Variants in ALMS1 observed in about 807,000 individuals in gnomAD.
ALMS1 encodes ALMS1 centrosome and basal body associated protein.
ALMS1 carries 271 observed loss-of-function variants against 352.2 expected under a neutral mutation model. The observed-to-expected ratio is 0.77, with a 90% CI of 0.70 to 0.85. ALMS1 has a LOEUF of 0.85. Among genes scored for constraint, ALMS1 ranks in the 40% least tolerant of loss-of-function variants. ALMS1 has a pLI of 0.00. For synonymous variants in ALMS1, 1,865 were observed against 1,761.2 expected (o/e 1.06, Z -1.48); for missense variants, 5,445 against 4,870.7 (o/e 1.12, Z -3.51).
intron 12 of ALMS1, among the ~76,000 whole-genome samples, chr2:73,549,240 G>A (rs986433379): frequency 6.6e-6 from 1 of 152,150 alleles, no homozygotes; most frequent in African/African-American, 2.4e-5. Context: ...AGGAATGTGG[G>A]AATATTGAAA....
At chr2:73,401,088 C>T (rs1005532911) in intron 1 of ALMS1, among the ~76,000 whole-genome samples, 1 of 152,158 alleles carries the variant, frequency 6.6e-6, no homozygotes. Flanking sequence ...TACCTGGCCT[C>T]ATTTTTGATG....
chr2:73,559,011 T>C lies in ALMS1; in HGVS notation c.10253T>C (p.Val3418Ala). Residue 3418 changes from valine (V) to alanine (A), a missense_variant, in exon 15 of 23, where the codon GTA (valine) becomes GCA (alanine). Physicochemically the swap from Val to Ala is moderately conservative, Grantham distance 64 (BLOSUM62 0). Coordinates refer to ENST00000613296, the MANE Select transcript of ALMS1 (RefSeq NM_001378454.1). ...AAAAAEHSAQ[V>A]GDPEMKNLPD... ...GCTGCTGCAGAGCACTCAGCTCAAGTAGGAGACCCAGAAATGAAGAACTTG... is the reference window on the plus strand; with the variant it reads ...GCTGCTGCAGAGCACTCAGCTCAAGCAGGAGACCCAGAAATGAAGAACTTG... 6.2e-7 allele frequency: 1 copy of C among 1,614,006 alleles called. No homozygotes were observed. Among genetic ancestry groups the C allele is most frequent in the Non-Finnish European group, 8.5e-7 (1 of 1,179,936 alleles).
chr2:73,451,691 T>C lies in ALMS1; in HGVS notation c.5164T>C (p.Tyr1722His), dbSNP rs1283872152. The change falls in exon 8 of 23, where the codon TAC (tyrosine) becomes CAC (histidine). Residue 1722 changes from tyrosine (Y) to histidine (H), a missense_variant. By Grantham distance (83) the Tyr-to-His change is moderately conservative. Coordinates refer to ENST00000613296, the MANE Select transcript of ALMS1 (RefSeq NM_001378454.1). Reference sequence around the variant, plus strand: ...ATATAGAGAGAAGCCCATTGTCTTCTACCAACAGGCCCTGCCAGACAGTGA... The same window carrying C: ...ATATAGAGAGAAGCCCATTGTCTTCCACCAACAGGCCCTGCCAGACAGTGA... ...YSYREKPIVF[Y>H]QQALPDSELT... is the part of the protein sequence containing the mutation. 1.9e-6 allele frequency: 3 copies of C among 1,614,088 alleles called. No individual in the cohort carries two copies. The highest frequency in any genetic ancestry group is 1.1e-5 in the South Asian group (1 of 91,074).
rs763718623 is a variant in ALMS1 at position 73,601,229 on chromosome 2, G to T, written c.11907G>T (p.Glu3969Asp). The change falls in exon 19 of 23, where the codon GAG (glutamate) becomes GAT (aspartate). Residue 3969 changes from glutamate (E) to aspartate (D), a missense_variant. By Grantham distance (45) the Glu-to-Asp change is conservative. Transcript: ENST00000613296. ...GGTTTGTTCCTGTGGAAAATGTGGA[G>T]TCTAGATCAAAGAAGGAAAACGTGC... ...VSWFVPVENV[E>D]SRSKKENVPN... 2 of 1,614,228 alleles carry T rather than the reference G, an allele frequency of 1.2e-6. No homozygotes were observed.
chr2:73,529,415 T>C (rs1052311032), intron 11 of ALMS1, among the ~76,000 whole-genome samples: 1 of 152,202 alleles, frequency 6.6e-6, no homozygotes, highest in Non-Finnish European at 1.5e-5. Flanking sequence ...GTTTTTAGTG[T>C]CATATTTAGT....
intron 9 of ALMS1, chr2:73,469,533 TC>T (rs1260370655): frequency 6.6e-6 from 1 of 151,952 alleles, no homozygotes; most frequent in East Asian, 1.9e-4. Context: ...TGACTGATTT[TC>T]TTAGATAATA....
intron 16 of ALMS1, among the ~76,000 whole-genome samples, chr2:73,591,574 C>T (rs1573045847): frequency 6.6e-6 from 1 of 152,252 alleles, no homozygotes; most frequent in African/African-American, 2.4e-5. Context: ...TTAATTCTGA[C>T]TGAAACATGA....
At chr2:73,537,084 T>C (rs1009432367) in intron 12 of ALMS1, among the ~76,000 whole-genome samples, 1 of 152,208 alleles carries the variant, frequency 6.6e-6, no homozygotes, top group African/African-American at 2.4e-5. Context: ...AAAAGGCTTA[T>C]CTTTACTTGA....
chr2:73,558,711 T>C (rs1227815654), intron 14 of ALMS1, among the ~76,000 whole-genome samples: 1 of 152,088 alleles, frequency 6.6e-6, no homozygotes, highest in Non-Finnish European at 1.5e-5. Flanking sequence ...TTGTCTAGAG[T>C]TCTATGGTAC....
intron 7 of ALMS1, among the ~76,000 whole-genome samples, chr2:73,439,563 A>T (rs1671674855): frequency 1.3e-5 from 2 of 152,030 alleles, no homozygotes; most frequent in South Asian, 4.2e-4. Context: ...TTATTTTGAG[A>T]TGGAGTCTTG....
rs1281816058 is a variant in ALMS1, at chr2:73,453,483, G to A, written c.6956G>A (p.Arg2319Lys). ...TGVSNGDLLHRQPFTEESPSS... is the reference protein window; with the variant it reads ...TGVSNGDLLHKQPFTEESPSS... ...GTATCTAATGGTGATTTGCTTCACA[G>A]ACAGCCATTCACAGAGGAAAGCCCA... Residue 2319 changes from arginine to lysine, a missense_variant, in exon 8 of 23, where the codon AGA becomes AAA. Physicochemically the swap from Arg to Lys is conservative, Grantham distance 26. Coordinates refer to ENST00000613296, the MANE Select transcript of ALMS1 (RefSeq NM_001378454.1). 5 of 1,613,352 alleles carry A rather than the reference G, an allele frequency of 3.1e-6. No individual in the cohort carries two copies. Among genetic ancestry groups the A allele is most frequent in the Non-Finnish European group, 4.2e-6 (5 of 1,179,692 alleles).
At chr2:73,425,144 A>G (rs1467684257) in intron 5 of ALMS1, among the ~76,000 whole-genome samples, 1 of 152,190 alleles carries the variant, frequency 6.6e-6, no homozygotes, top group Non-Finnish European at 1.5e-5. Flanking sequence ...TGGAAAGAAG[A>G]GGAAAAGGGG....
In ALMS1 at chr2:73,599,410, C is replaced by T. The variant is rs181222716; in HGVS notation, c.11557C>T (p.His3853Tyr). The T allele has an allele frequency of 6.2e-7, 1 of 1,613,074 alleles. No individual in the cohort carries two copies. The highest frequency in any genetic ancestry group is 2.2e-5 in the East Asian group (1 of 44,864). Residue 3853 changes from histidine to tyrosine, a missense_variant, in exon 17 of 23, where the codon CAT (histidine) becomes TAT (tyrosine). Physicochemically the swap from His to Tyr is moderately conservative, Grantham distance 83. Transcript: ENST00000613296. ...TRRRHIQVAN[H>Y]VISSDSISSS... ...TCTTTTATTTTTCTAGGTAGCAAAC[C>T]ATGTGATTTCTTCTGACTCTATTTC...
chr2:73,582,745 C>T (rs772649686), intron 16 of ALMS1, among the ~76,000 whole-genome samples: 1 of 152,174 alleles, frequency 6.6e-6, no homozygotes, highest in Non-Finnish European at 1.5e-5. Flanking sequence ...CTACTGTTTA[C>T]ATATACCACA....
intron 1 of ALMS1, among the ~76,000 whole-genome samples, chr2:73,394,161 T>C (rs1397989871): frequency 6.6e-6 from 1 of 152,126 alleles, no homozygotes; most frequent in Non-Finnish European, 1.5e-5. Flanking sequence ...ATAGTAAGTT[T>C]TGAAATGGGG....
At chr2:73,487,739 C>T (rs72909388) in intron 9 of ALMS1, among the ~76,000 whole-genome samples, 3,968 of 152,268 alleles carry the variant, frequency 0.026, 174 homozygotes, top group African/African-American at 0.088. Context: ...GGAGTTTCAT[C>T]GAGTGGCAGA....
intron 10 of ALMS1, among the ~76,000 whole-genome samples, chr2:73,512,669 A>G (rs1673476817): frequency 6.6e-6 from 1 of 152,030 alleles, no homozygotes; most frequent in Non-Finnish European, 1.5e-5. Flanking sequence ...TATTCTATTT[A>G]TTGTTACTAT....
At chr2:73,534,734 C>A in intron 11 of ALMS1, 90 bp from the exon 12 acceptor site, 1 of 1,412,710 alleles carries the variant, frequency 7.1e-7, no homozygotes. Flanking sequence ...AAGTCATGAA[C>A]ACTGCCTGAA....
rs546259490 is a variant in ALMS1 at position 73,557,221 on chromosome 2, T to C, written c.10080T>C (p.Asp3360=). ...AATCAAATGATGTCGTTATTCCAGATGCCTCAGTTCAAGTGCTAATCACTG... is the reference window on the plus strand; with the variant it reads ...AATCAAATGATGTCGTTATTCCAGACGCCTCAGTTCAAGTGCTAATCACTG... The part of the protein sequence containing the change: ...GEKPLQNENA[D]ASVQVLITGD... Residue 3360 remains aspartate, a splice_region_variant and synonymous_variant, in exon 14 of 23, where the codon GAT becomes GAC. Transcript: ENST00000613296. The C allele has an allele frequency of 6.2e-7, 1 of 1,614,114 alleles. No homozygotes were observed. Among genetic ancestry groups the C allele is most frequent in the South Asian group, 1.1e-5 (1 of 91,088 alleles).
Sources: allele counts gnomAD v4.1 joint callset (sites outside exome capture counted in the v4.1 genomes callset), GRCh38; gene constraint gnomAD v4.1.1; transcripts MANE v1.5; gene names NCBI Gene and HGNC (gene_info 2026-07-23, HGNC 2026-07-21).